The following SEZ6 variants were observed in gnomAD, a reference collection of about 807,000 sequenced individuals.
The protein encoded by SEZ6 is seizure protein 6 homolog.
In SEZ6, 53 loss-of-function variants were observed where a neutral mutation model predicts 101.0. That is an observed-to-expected ratio of 0.52 (90% CI 0.42 to 0.66). The LOEUF is 0.66. SEZ6 is among the 30% of genes least tolerant of loss of function. The probability of loss-of-function intolerance (pLI) is 0.00; values close to 1 mark genes in which losing one functional copy is unlikely to be tolerated. For synonymous variants in SEZ6, 488 were observed against 512.2 expected, an observed-to-expected ratio of 0.95 and a Z score of 0.64; for missense variants, 1,102 against 1,289.4, an observed-to-expected ratio of 0.85 and a Z score of 2.23.
Position 29,005,747 on chromosome 17 carries a change from G to A in SEZ6, c.55+68C>T, listed in dbSNP as rs1176725671. The A allele has an allele frequency of 7.8e-5, 111 of 1,427,104 alleles. No homozygotes were observed. Among genetic ancestry groups the A allele is most frequent in the Non-Finnish European group, 9.6e-5 (103 of 1,077,294 alleles). 88.4% of individuals were successfully genotyped at this position (1,427,104 alleles called of 1,614,324 possible). A position where few individuals can be genotyped will look rare whatever the true frequency, so the allele number is the denominator to read the frequency against. On this transcript the variant is annotated intron_variant, in intron 1 of 16. Transcript: ENST00000317338. This position sits in a 1 kb window ranked among gnomAD's most constrained non-coding sequence, Gnocchi z 4.8. The stretch of plus-strand genomic sequence containing the variant: ...CCAGATGCCCGAAGCTGGGCACCGG[G>A]TCTCCCTTCCCACCCCTGGGGCCCC...
At chr17:29,004,153 A>T (rs1486247712) in intron 1 of SEZ6, among the ~76,000 whole-genome samples, 2 of 152,146 alleles carry the variant, frequency 1.3e-5, no homozygotes, top group African/African-American at 4.8e-5. Flanking sequence ...ACACACTGGG[A>T]CTGGCTCCTC....
chr17:28,968,413 C>T lies in SEZ6; in HGVS notation c.1054+1344G>A, dbSNP rs116294447. 6.3e-3 allele frequency among the ~76,000 whole-genome samples: 953 copies of T among 152,348 alleles called. 9 individuals are homozygous for T. Among genetic ancestry groups the T allele is most frequent in the African/African-American group, 0.022 (911 of 41,578 alleles). ...CTCACTGCCATTCAGCCACCTTTGT[C>T]TGGCCCGACAGAGAGGAGGTCCGGA... On this transcript the variant is annotated intron_variant, in intron 4 of 16. Coordinates refer to ENST00000317338, the MANE Select transcript of SEZ6 (RefSeq NM_178860.5).
In SEZ6 at chr17:29,005,882, G is replaced by T. The variant is rs2041683753; in HGVS notation, c.-13C>A. ...CTACCGGGCGCATGGTGCTGGTTGC[G>T]GCCGCGCCCTGGGCTGGGACCGCGG... On this transcript the variant is annotated 5_prime_UTR_variant, in exon 1 of 17. Transcript: ENST00000317338. This position sits in a 1 kb window ranked among gnomAD's most constrained non-coding sequence, Gnocchi z 4.8. 4 of 1,450,752 alleles carry T rather than the reference G, an allele frequency of 2.8e-6. No homozygotes were observed. In the South Asian group the frequency reaches 3.9e-5, roughly 14 times the overall value. The allele number at this position is 1,450,752 out of a possible 1,614,324, so 89.9% of individuals were successfully genotyped here.
chr17:28,965,245 G>C (rs2041046619), intron 4 of SEZ6, among the ~76,000 whole-genome samples: 1 of 152,120 alleles, frequency 6.6e-6, no homozygotes, highest in South Asian at 2.1e-4. Context: ...CCAGCTACTC[G>C]GGAGGCTGAG....
intron 3 of SEZ6, among the ~76,000 whole-genome samples, chr17:28,977,291 G>A (rs1480982375): frequency 6.6e-6 from 1 of 152,206 alleles, no homozygotes; most frequent in Non-Finnish European, 1.5e-5. Flanking sequence ...TCTTTCTCTT[G>A]CTCCTTCCCC....
chr17:28,974,048 C>T (rs776051548), intron 3 of SEZ6, among the ~76,000 whole-genome samples: 5 of 152,216 alleles, frequency 3.3e-5, no homozygotes, highest in African/African-American at 1.2e-4. Context: ...TTCTGCCAAC[C>T]TCTAGCTCAA....
At chr17:28,980,520 C>G (rs947391268) in intron 2 of SEZ6, among the ~76,000 whole-genome samples, 6 of 151,992 alleles carry the variant, frequency 3.9e-5, no homozygotes, top group Non-Finnish European at 5.9e-5. Flanking sequence ...CGGGCACCCC[C>G]CACTACGCCC....
At chr17:28,963,913 C>T (rs1186944395) in intron 5 of SEZ6, 49 bp downstream of exon 5, 1 of 1,562,924 alleles carries the variant, frequency 6.4e-7, no homozygotes, top group South Asian at 1.2e-5. Flanking sequence ...GGATGAGCCC[C>T]CACCTCACTT....
In SEZ6 at chr17:28,979,666, T is replaced by A; in HGVS notation, c.858+14A>T. Reference sequence around the variant, plus strand: ...CCGCCCCAGCTTTGCCCTTGCCAGATCCAGATCACTCACCTTGATTTCCAC... The same window carrying A: ...CCGCCCCAGCTTTGCCCTTGCCAGAACCAGATCACTCACCTTGATTTCCAC... On this transcript the variant is annotated intron_variant, in intron 3 of 16. Transcript: ENST00000317338. 1.9e-6 allele frequency: 3 copies of A among 1,613,918 alleles called. No homozygotes were observed. Among genetic ancestry groups the A allele is most frequent in the Non-Finnish European group, 2.5e-6 (3 of 1,179,822 alleles).
intron 3 of SEZ6, among the ~76,000 whole-genome samples, chr17:28,976,100 C>T (rs2041217417): frequency 6.6e-6 from 1 of 152,220 alleles, no homozygotes; most frequent in Non-Finnish European, 1.5e-5. Context: ...AGGCAAGCCT[C>T]CTTGGATCAC....
rs2040948999 is a variant in SEZ6 at position 28,959,895 on chromosome 17, G to A, written c.1577-3C>T. On this transcript the variant is annotated splice_region_variant and splice_polypyrimidine_tract_variant and intron_variant, in intron 7 of 16. Transcript: ENST00000317338. This position sits in a 1 kb window ranked among gnomAD's most constrained non-coding sequence, Gnocchi z 4.4. The stretch of plus-strand genomic sequence containing the variant: ...ATAGCAATGGCCCTGCTGGAAGGCT[G>A]TAAACCACAGGTCCCAGCCCAGCTC... 1.9e-6 allele frequency: 3 copies of A among 1,603,698 alleles called. No homozygotes were observed. Among genetic ancestry groups the A allele is most frequent in the South Asian group, 1.1e-5 (1 of 89,338 alleles).
Position 29,006,021 on chromosome 17 carries a change from GA to G in SEZ6, c.-153del. The G allele has an allele frequency of 1.8e-6, 1 of 570,206 alleles. No individual in the cohort carries two copies. Among genetic ancestry groups the G allele is most frequent in the Non-Finnish European group, 2.5e-6 (1 of 395,888 alleles). The allele number at this position is 570,206 out of a possible 1,614,324, so 35.3% of individuals were successfully genotyped here. ...CCGCTGCCGCCGCCAGCGCCTGACAGAATCAGCACCACGGCCAGCGCCTGGC... is the reference window on the plus strand; with the variant it reads ...CCGCTGCCGCCGCCAGCGCCTGACAGATCAGCACCACGGCCAGCGCCTGGC... On this transcript the variant is annotated 5_prime_UTR_variant, in exon 1 of 17. Coordinates refer to ENST00000317338, the MANE Select transcript of SEZ6 (RefSeq NM_178860.5).
intron 4 of SEZ6, among the ~76,000 whole-genome samples, chr17:28,968,818 G>GT (rs2041108963): frequency 6.6e-6 from 1 of 152,184 alleles, no homozygotes; most frequent in South Asian, 2.1e-4. Flanking sequence ...AATTATTTCC[G>GT]TATTAGTTCT....
At chr17:28,978,637 GT>G (rs1042158016) in intron 3 of SEZ6, among the ~76,000 whole-genome samples, 6 of 152,222 alleles carry the variant, frequency 3.9e-5, no homozygotes, top group African/African-American at 1.4e-4. Context: ...CAAAGTGGGG[GT>G]AAAGAACAAG....
Position 28,985,384 on chromosome 17 carries a change from GC to G in SEZ6, c.56-3346del, listed in dbSNP as rs561992727. Among the ~76,000 whole-genome samples the G allele has an allele frequency of 2.9e-3, 446 of 152,336 alleles. 2 individuals are homozygous for G. Among genetic ancestry groups the G allele is most frequent in the Non-Finnish European group, 4.9e-3 (335 of 68,026 alleles). On this transcript the variant is annotated intron_variant, in intron 1 of 16. Coordinates refer to ENST00000317338, the MANE Select transcript of SEZ6 (RefSeq NM_178860.5). Reference sequence around the variant, plus strand: ...CACCCTGTGCCTGAAGCACATCTGAGCCTCAAACCCAAACCGGAGACCCAAC... The same window carrying G: ...CACCCTGTGCCTGAAGCACATCTGAGCTCAAACCCAAACCGGAGACCCAAC...
intron 3 of SEZ6, among the ~76,000 whole-genome samples, chr17:28,976,557 C>G (rs2041223933): frequency 6.6e-6 from 1 of 152,166 alleles, no homozygotes; most frequent in Admixed American, 6.5e-5. Context: ...CACAGGCAGT[C>G]CCTTCTCCCC....
chr17:28,988,313 G>T lies in SEZ6; in HGVS notation c.56-6274C>A, dbSNP rs561373559. 1.4e-3 allele frequency among the ~76,000 whole-genome samples: 220 copies of T among 152,286 alleles called. 1 individual carries two copies. Among genetic ancestry groups the T allele is most frequent in the African/African-American group, 5.1e-3 (213 of 41,548 alleles). ...TGGGCTCCTAACACATGAATGGCTT[G>T]TGTCCCTGGGCAAGGATCCAGCAGT... On this transcript the variant is annotated intron_variant, in intron 1 of 16. Coordinates refer to ENST00000317338, the MANE Select transcript of SEZ6 (RefSeq NM_178860.5).
Position 28,959,275 on chromosome 17 carries a change from G to A in SEZ6, c.1911-54C>T, listed in dbSNP as rs542501750. ...CGGCCTGGGGGCCCGAGGATGGGCT[G>A]GACAAGGGATATCCCCAGACCTCAG... On this transcript the variant is annotated intron_variant, in intron 9 of 16. Coordinates refer to ENST00000317338, the MANE Select transcript of SEZ6 (RefSeq NM_178860.5). The surrounding 1 kb of genome is among the most constrained non-coding windows in gnomAD (Gnocchi z 4.4). 18 of 1,613,404 alleles carry A rather than the reference G, an allele frequency of 1.1e-5. No individual in the cohort carries two copies. In the South Asian group the frequency reaches 1.8e-4, roughly 16 times the overall value.
chr17:28,959,154 C>T lies in SEZ6; in HGVS notation c.1978G>A (p.Gly660Ser), dbSNP rs1171977817. 1.9e-6 allele frequency: 3 copies of T among 1,613,674 alleles called. No individual in the cohort carries two copies. In the African/African-American group the frequency reaches 4.0e-5, roughly 22 times the overall value. ...DGDDLTARVLGQYSGPRSHFK... is the reference protein window; with the variant it reads ...DGDDLTARVLSQYSGPRSHFK... ...TGGCTACGGGGCCCTGAGTACTGGC[C>T]CAGAACCCGGGCCGTCAGGTCATCC... The change falls in exon 10 of 17, where the codon GGC (glycine) becomes AGC (serine). Residue 660 changes from glycine to serine, a missense_variant. Physicochemically the swap from Gly to Ser is moderately conservative, Grantham distance 56. Transcript: ENST00000317338. The surrounding 1 kb of genome is among the most constrained non-coding windows in gnomAD (Gnocchi z 4.4).
Sources: allele counts gnomAD v4.1 joint callset (sites outside exome capture counted in the v4.1 genomes callset), GRCh38; gene constraint gnomAD v4.1.1; non-coding constraint Gnocchi (gnomAD v3.1); transcripts MANE v1.5; gene names NCBI Gene and HGNC (gene_info 2026-07-23, HGNC 2026-07-21).